Variants in CIT observed in about 807,000 individuals in gnomAD.
CIT encodes the protein citron Rho-interacting kinase.
In CIT, 79 loss-of-function variants were observed where a neutral mutation model predicts 272.7. That is an observed-to-expected ratio of 0.29 (90% CI 0.24 to 0.35). The LOEUF is 0.35. Among genes scored for constraint, CIT ranks in the 10% least tolerant of loss-of-function variants. CIT has a pLI of 1.00. For synonymous variants in CIT, 948 were observed against 995.6 expected, an observed-to-expected ratio of 0.95 and a Z score of 0.90; for missense variants, 1,909 against 2,618.3, an observed-to-expected ratio of 0.73 and a Z score of 5.91.
At chr12:119,738,515 G>A (rs189415005) in intron 24 of CIT, among the ~76,000 whole-genome samples, 4 of 152,224 alleles carry the variant, frequency 2.6e-5, no homozygotes, top group South Asian at 2.1e-4. Context: ...CAACGCAGGC[G>A]CCAGCAGAGC....
At chr12:119,748,054 C>T (rs571899720) in intron 23 of CIT, among the ~76,000 whole-genome samples, 1 of 152,214 alleles carries the variant, frequency 6.6e-6, no homozygotes, top group African/African-American at 2.4e-5. Context: ...GTCCCAGCTA[C>T]TTGGGAGGCT....
chr12:119,805,385 G>T (rs1208457833), intron 9 of CIT, among the ~76,000 whole-genome samples: 1 of 152,206 alleles, frequency 6.6e-6, no homozygotes, highest in Non-Finnish European at 1.5e-5. Flanking sequence ...CCATATAAAA[G>T]TGTTTACCAC....
intron 10 of CIT, among the ~76,000 whole-genome samples, chr12:119,795,834 T>C (rs868135356): frequency 2.6e-5 from 4 of 152,344 alleles, no homozygotes; most frequent in Middle Eastern, 6.8e-3. Context: ...ATTGTGATGA[T>C]TTAATGAGAT....
At chr12:119,830,174 T>C (rs913241759) in intron 7 of CIT, among the ~76,000 whole-genome samples, 5 of 150,762 alleles carry the variant, frequency 3.3e-5, no homozygotes, top group Admixed American at 6.7e-5. Context: ...ATGCAAAAAA[T>C]TCCTTATCTG....
chr12:119,718,798 C>T lies in CIT; in HGVS notation c.3904G>A (p.Glu1302Lys), dbSNP rs757756849. The T allele has an allele frequency of 5.0e-6, 8 of 1,614,212 alleles. No homozygotes were observed. Among genetic ancestry groups the T allele is most frequent in the Non-Finnish European group, 6.8e-6 (8 of 1,180,032 alleles). ...LPTQVPLQYN[E>K]LKLALEKEKA... ...TCCTTCTCCAGGGCCAGCTTCAGCT[C>T]ATTGTACTGCAGAGGAACCTGTGTG... The change falls in exon 31 of 48, where the codon GAG (glutamate) becomes AAG (lysine). Residue 1302 changes from glutamate to lysine, a missense_variant. Transcript: ENST00000392521. The surrounding 1 kb of genome is among the most constrained non-coding windows in gnomAD (Gnocchi z 4.8).
At position 119,869,067 on chromosome 12, in the gene CIT, G is replaced by A. The variant is rs775067327; in HGVS notation, c.231C>T (p.Val77=). The A allele has an allele frequency of 3.7e-6, 6 of 1,610,008 alleles. No homozygotes were observed. The South Asian group carries it at 5.5e-5, about 15-fold the overall frequency. The part of the protein sequence containing the change: ...LMKIKHVSNF[V]RKYSDTIAEL... ...AAAGTTCCCCAAACTTACACTTCCGGACAAAGTTGCTCACGTGCTTAATCT... is the reference window on the plus strand; with the variant it reads ...AAAGTTCCCCAAACTTACACTTCCGAACAAAGTTGCTCACGTGCTTAATCT... Residue 77 remains valine, a synonymous_variant, in exon 3 of 48, where the codon GTC becomes GTT. Coordinates refer to ENST00000392521, the MANE Select transcript of CIT (RefSeq NM_001206999.2).
chr12:119,854,819 C>G (rs1970480126), intron 4 of CIT, among the ~76,000 whole-genome samples: 1 of 152,008 alleles, frequency 6.6e-6, no homozygotes, highest in Non-Finnish European at 1.5e-5. Context: ...GGTGTGGTGG[C>G]AGGTGCCTGT....
chr12:119,857,834 C>A (rs1252611515), intron 3 of CIT, 136 bp from the exon 4 acceptor site: 2 of 783,164 alleles, frequency 2.6e-6, no homozygotes, highest in Admixed American at 5.6e-5. Context: ...TCTCATCCAT[C>A]ATGAATAATT....
chr12:119,703,421 C>CTTTTT (rs34483318), intron 41 of CIT, among the ~76,000 whole-genome samples: 4 of 105,704 alleles, frequency 3.8e-5, no homozygotes, highest in Non-Finnish European at 7.5e-5. Flanking sequence ...CTTCATTTCA[C>CTTTTT]TTTTTTTTTT....
At chr12:119,726,186 T>G (rs1469884425) in intron 28 of CIT, among the ~76,000 whole-genome samples, 2 of 152,062 alleles carry the variant, frequency 1.3e-5, no homozygotes, top group African/African-American at 4.8e-5. Context: ...TTTCTAGAAC[T>G]TTCTCAAACT....
chr12:119,818,548 A>G (rs907409832), intron 9 of CIT, among the ~76,000 whole-genome samples: 11 of 152,378 alleles, frequency 7.2e-5, no homozygotes, highest in African/African-American at 2.4e-4. Flanking sequence ...AGACTATCTC[A>G]GCGTTTCATC....
chr12:119,834,530 A>G (rs1968865477), intron 5 of CIT, among the ~76,000 whole-genome samples: 1 of 152,228 alleles, frequency 6.6e-6, no homozygotes, highest in South Asian at 2.1e-4. Flanking sequence ...TTGACACCCC[A>G]GACATTCCCT....
intron 4 of CIT, among the ~76,000 whole-genome samples, chr12:119,854,137 C>T (rs933704256): frequency 3.9e-5 from 6 of 151,986 alleles, no homozygotes; most frequent in African/African-American, 1.4e-4. Context: ...AAGCAATTCT[C>T]CTGCCTCAGC....
intron 27 of CIT, among the ~76,000 whole-genome samples, chr12:119,730,254 A>G (rs1958362868): frequency 6.6e-6 from 1 of 152,092 alleles, no homozygotes; most frequent in African/African-American, 2.4e-5. Flanking sequence ...GGGCCTAGAC[A>G]CACAGATTTT....
intron 32 of CIT, among the ~76,000 whole-genome samples, chr12:119,717,631 G>C (rs1318876952): frequency 6.7e-6 from 1 of 149,932 alleles, no homozygotes; most frequent in African/African-American, 2.5e-5. Flanking sequence ...ATGTTGGCCA[G>C]GCTGGTCTCA....
intron 2 of CIT, among the ~76,000 whole-genome samples, chr12:119,875,020 T>C (rs1269163119): frequency 1.3e-5 from 2 of 152,240 alleles, no homozygotes; most frequent in Admixed American, 1.3e-4. Context: ...AGGACAAACT[T>C]GCCCTGGTAC....
chr12:119,723,596 T>G (rs4766947), intron 28 of CIT, among the ~76,000 whole-genome samples: 68,449 of 151,700 alleles, frequency 0.45, 16,355 homozygotes, highest in Admixed American at 0.57. Context: ...GACAGGAAAC[T>G]GGGAGGAAAA....
chr12:119,763,744 T>C (rs984093287), intron 19 of CIT, among the ~76,000 whole-genome samples: 3 of 152,036 alleles, frequency 2.0e-5, no homozygotes, highest in Admixed American at 6.5e-5. Context: ...GAAGCGACAA[T>C]ATTCAAGATA....
chr12:119,731,813 A>AATATATATAC (rs1369952457), intron 26 of CIT, among the ~76,000 whole-genome samples: 6 of 139,130 alleles, frequency 4.3e-5, no homozygotes, highest in African/African-American at 1.7e-4. Context: ...TTCTCTCCTA[A>AATATATATAC]ATATATATAT....
Sources: gnomAD v4.1 joint callset for allele counts (sites outside exome capture counted in the v4.1 genomes callset) on GRCh38, gnomAD v4.1.1 for gene constraint, Gnocchi (gnomAD v3.1) non-coding constraint, MANE v1.5 for transcripts, NCBI Gene and HGNC (gene_info 2026-07-23, HGNC 2026-07-21) for gene names.